The following CYP2A6 variants were observed in gnomAD, a reference collection of about 807,000 sequenced individuals.
The protein encoded by CYP2A6 is cytochrome P450 family 2 subfamily A member 6.
CYP2A6 carries 27 observed loss-of-function variants against 42.3 expected under a neutral mutation model. The observed-to-expected ratio is 0.64, with a 90% CI of 0.47 to 0.88. The LOEUF (loss-of-function observed/expected upper bound fraction) is 0.88, where lower values mean the gene tolerates loss of function less well. Among genes scored for constraint, CYP2A6 ranks in the 40% least tolerant of loss-of-function variants. The pLI is 0.00. For synonymous variants in CYP2A6, 238 were observed against 246.3 expected (o/e 0.97, Z 0.31); for missense variants, 628 against 646.0 (o/e 0.97, Z 0.30).
rs759791972 is a variant in CYP2A6, at chr19:40,848,580, T to C, written c.493+34A>G. 88 of 1,605,252 alleles carry C rather than the reference T, an allele frequency of 5.5e-5. 4 individuals are homozygous for C. The South Asian group carries it at 9.7e-4, about 18-fold the overall frequency. ...GGTTCCTCGTCCTGGGTGTTTTCCT[T>C]CTCCTGCCCCCGCACTCGGGGTCCC... On this transcript the variant is annotated intron_variant, in intron 3 of 8. Coordinates refer to ENST00000301141, the MANE Select transcript of CYP2A6 (RefSeq NM_000762.6).
intron 7 of CYP2A6, chr19:40,844,985 C>A: frequency 1.4e-6 from 1 of 695,672 alleles, no homozygotes; most frequent in Non-Finnish European, 2.3e-6. Context: ...TCCTTCTAGG[C>A]AGGAGTTTGG....
Position 40,846,903 on chromosome 19 carries a change from A to T in CYP2A6, c.803T>A (p.Ile268Asn), listed in dbSNP as rs763469584. ...CTGCATGCGGATGAGAAAGGAGTCA[A>T]TGAAGTCCCGTGGGGAATTGGGATC... ...TLDPNSPRDFIDSFLIRMQEE... is the reference protein window; with the variant it reads ...TLDPNSPRDFNDSFLIRMQEE... The change falls in exon 5 of 9, where the codon ATT (isoleucine) becomes AAT (asparagine). Residue 268 changes from isoleucine (I) to asparagine (N), a missense_variant. By Grantham distance (149) the Ile-to-Asn change is moderately radical. Coordinates refer to ENST00000301141, the MANE Select transcript of CYP2A6 (RefSeq NM_000762.6). The T allele has an allele frequency of 6.2e-7, 1 of 1,612,112 alleles. No individual in the cohort carries two copies. The highest frequency in any genetic ancestry group is 8.5e-7 in the Non-Finnish European group (1 of 1,179,944).
Position 40,844,027 on chromosome 19 carries a change from G to A in CYP2A6, c.1304-50C>T, listed in dbSNP as rs769104987. 32 of 1,546,960 alleles carry A rather than the reference G, an allele frequency of 2.1e-5. 1 individual carries two copies. The South Asian group carries it at 4.0e-4, about 19-fold the overall frequency. ...GGAGGTGAAGCCCACTCTCAGTGCA[G>A]CCTCGCCCCAGTACCGACCTCCAGC... On this transcript the variant is annotated intron_variant, in intron 8 of 8. Coordinates refer to ENST00000301141, the MANE Select transcript of CYP2A6 (RefSeq NM_000762.6).
Position 40,846,908 on chromosome 19 carries a change from G to C in CYP2A6, c.798C>G (p.Asp266Glu). Residue 266 changes from aspartate to glutamate, a missense_variant, in exon 5 of 9, where the codon GAC becomes GAG. Physicochemically the swap from Asp to Glu is conservative, Grantham distance 45 (BLOSUM62 2). Transcript: ENST00000301141. ...QRTLDPNSPR[D>E]FIDSFLIRMQ... ...TGCGGATGAGAAAGGAGTCAATGAA[G>C]TCCCGTGGGGAATTGGGATCCAGCG... 3.7e-6 allele frequency: 6 copies of C among 1,612,152 alleles called. No homozygotes were observed. Among genetic ancestry groups the C allele is most frequent in the Non-Finnish European group, 4.2e-6 (5 of 1,179,960 alleles).
In CYP2A6 at chr19:40,848,205, C is replaced by G. The variant is rs367728335; in HGVS notation, c.654+14G>C. The G allele has an allele frequency of 1.1e-5, 18 of 1,610,918 alleles. 2 individuals are homozygous for G. The highest frequency in any genetic ancestry group is 1.4e-5 in the Non-Finnish European group (16 of 1,179,440). ...TGTGGTAGGGGCGTCACGGGCCGGG[C>G]TGCAGCCAGTTACCTGCCCCGTGGA... On this transcript the variant is annotated intron_variant, in intron 4 of 8. Transcript: ENST00000301141.
chr19:40,845,129 G>T (rs754926806), intron 7 of CYP2A6, 165 bp downstream of exon 7: 10 of 803,008 alleles, frequency 1.2e-5, no homozygotes, highest in Non-Finnish European at 2.0e-5. Context: ...GGACTCAGGA[G>T]TGTCTAAGTG....
chr19:40,844,762 A>G lies in CYP2A6; in HGVS notation c.1172T>C (p.Val391Ala). ...CAGCACAGAGCCCAGCATAGGGTAC[A>G]CTTCGGTGCCCTGGTAGGGAGGAGG... ...RDFFLPKGTE[V>A]YPMLGSVLRD... Residue 391 changes from valine to alanine, a missense_variant, in exon 8 of 9, where the codon GTG (valine) becomes GCG (alanine). Physicochemically the swap from Val to Ala is moderately conservative, Grantham distance 64. Transcript: ENST00000301141. The G allele has an allele frequency of 3.7e-6, 6 of 1,610,968 alleles. No individual in the cohort carries two copies. The highest frequency in any genetic ancestry group is 5.1e-6 in the Non-Finnish European group (6 of 1,179,542).
Position 40,848,385 on chromosome 19 carries a change from G to T in CYP2A6, c.494-6C>A. ...GGTGGGATCGATATTGGCGCCTGCG[G>T]GTATGGCGGGAGAAGGGGGTTGGGG... On this transcript the variant is annotated splice_region_variant and splice_polypyrimidine_tract_variant and intron_variant, in intron 3 of 8. Coordinates refer to ENST00000301141, the MANE Select transcript of CYP2A6 (RefSeq NM_000762.6). 6.2e-7 allele frequency: 1 copy of T among 1,611,866 alleles called. No homozygotes were observed. The highest frequency in any genetic ancestry group is 8.5e-7 in the Non-Finnish European group (1 of 1,179,906).
intron 2 of CYP2A6, 150 bp from the exon 3 acceptor site, chr19:40,848,913 C>G (rs1967152738): frequency 1.4e-6 from 1 of 693,594 alleles, no homozygotes; most frequent in Non-Finnish European, 2.2e-6. Context: ...GAGCTGCAAA[C>G]TCAGTCAGAG....
chr19:40,849,025 AGAGAGAGAGAAGAGAGAGAG>A (rs1475499393), intron 2 of CYP2A6, among the ~76,000 whole-genome samples: 18 of 49,098 alleles, frequency 3.7e-4, no homozygotes, highest in Admixed American at 7.9e-4. Flanking sequence ...GAGAGAGGAG[AGAGAGAGAGAAGAGAGAGAG>A]GAGAGAGAGA....
rs58720852 is a variant in CYP2A6, at chr19:40,846,933, G to T, written c.773C>A (p.Thr258Lys). Reference protein sequence around the residue: ...IAKKVEHNQRTLDPNSPRDFI... With the variant: ...IAKKVEHNQRKLDPNSPRDFI... ...GTCCCGTGGGGAATTGGGATCCAGCGTGCGCTGGTTGTGCTCCACCTTCTT... is the reference window on the plus strand; with the variant it reads ...GTCCCGTGGGGAATTGGGATCCAGCTTGCGCTGGTTGTGCTCCACCTTCTT... The change falls in exon 5 of 9, where the codon ACG becomes AAG. Residue 258 changes from threonine to lysine, a missense_variant. Coordinates refer to ENST00000301141, the MANE Select transcript of CYP2A6 (RefSeq NM_000762.6). 1 of 1,612,082 alleles carries T rather than the reference G, an allele frequency of 6.2e-7. No homozygotes were observed. Among genetic ancestry groups the T allele is most frequent in the African/African-American group, 1.3e-5 (1 of 74,868 alleles).
Position 40,846,047 on chromosome 19 carries a change from G to T in CYP2A6, c.882C>A (p.Thr294=). The change falls in exon 6 of 9, where the codon ACC becomes ACA. Residue 294 remains threonine (T), a synonymous_variant. Transcript: ENST00000301141. The part of the protein sequence containing the change: ...TEFYLKNLVM[T]TLNLFIGGTE... ...TGCCCCCAATGAAGAGGTTCAACGT[G>T]GTCATCACCAGGTTTTTCAAGTAGA... 1 of 1,611,632 alleles carries T rather than the reference G, an allele frequency of 6.2e-7. No individual in the cohort carries two copies. Among genetic ancestry groups the T allele is most frequent in the Non-Finnish European group, 8.5e-7 (1 of 1,179,870 alleles).
At position 40,849,771 on chromosome 19, in the gene CYP2A6, C is replaced by A. The variant is rs72549436; in HGVS notation, c.343+47G>T. ...AGGGAGAAGGCTGGGAACACTGAGA[C>A]CTTCGTGTCCACCTGGCCACCTTCC... On this transcript the variant is annotated intron_variant, in intron 2 of 8. Coordinates refer to ENST00000301141, the MANE Select transcript of CYP2A6 (RefSeq NM_000762.6). The A allele has an allele frequency of 1.3e-3, 2,078 of 1,606,248 alleles. 64 individuals are homozygous for A. In the African/African-American group the frequency reaches 0.023, roughly 18 times the overall value.
At chr19:40,844,822 T>G (rs2083447569) in intron 7 of CYP2A6, 50 bp from the exon 8 acceptor site, 1 of 1,575,178 alleles carries the variant, frequency 6.3e-7, no homozygotes. Context: ...GGGGGATTGG[T>G]GAAAGTACAC....
At chr19:40,846,806 T>C (rs1967108422) in intron 5 of CYP2A6, 69 bp downstream of exon 5, 12 of 1,581,694 alleles carry the variant, frequency 7.6e-6, no homozygotes, top group African/African-American at 1.3e-5. Context: ...GTCATCTGCC[T>C]GCCCCACTCC....
chr19:40,848,993 AG>A (rs1384266722), intron 2 of CYP2A6, among the ~76,000 whole-genome samples: 4 of 114,634 alleles, frequency 3.5e-5, no homozygotes, highest in Admixed American at 9.3e-5. Flanking sequence ...GAGAGGAGAG[AG>A]AGAGAGAGAG....
chr19:40,845,365 C>G lies in CYP2A6; in HGVS notation c.1090G>C (p.Asp364His), dbSNP rs756155939. ...CGGGCCAAACTCATGGGGATCACGT[C>G]TCCAAATCTTTGGATCTCGTGGATC... The part of the protein sequence containing the change: ...AVIHEIQRFG[D>H]VIPMSLARRV... The change falls in exon 7 of 9, where the codon GAC (aspartate) becomes CAC (histidine). Residue 364 changes from aspartate to histidine, a missense_variant. Physicochemically the swap from Asp to His is moderately conservative, Grantham distance 81 (BLOSUM62 -1). This residue lies in a region of CYP2A6 where 606 missense variants were observed against 568.1 expected (regional missense o/e 1.07). Coordinates refer to ENST00000301141, the MANE Select transcript of CYP2A6 (RefSeq NM_000762.6). 10 of 1,611,564 alleles carry G rather than the reference C, an allele frequency of 6.2e-6. No individual in the cohort carries two copies. Among genetic ancestry groups the G allele is most frequent in the African/African-American group, 5.4e-5 (4 of 74,550 alleles).
At chr19:40,849,665 T>C (rs552926611) in intron 2 of CYP2A6, among the ~76,000 whole-genome samples, 153 bp downstream of exon 2, 2 of 151,116 alleles carry the variant, frequency 1.3e-5, no homozygotes, top group South Asian at 4.2e-4. Context: ...GGGATACACA[T>C]GGAGAGGCCA....
In CYP2A6 at chr19:40,848,622, C is replaced by T. The variant is rs756059220; in HGVS notation, c.485G>A (p.Gly162Asp). The T allele has an allele frequency of 1.2e-6, 2 of 1,611,490 alleles. No homozygotes were observed. Among genetic ancestry groups the T allele is most frequent in the Non-Finnish European group, 1.7e-6 (2 of 1,179,656 alleles). ...CGGGGTCCCCTGCTCACCGCCAGTGCCCCGGAGGGCGTCGATGAGGAAGCC... is the reference window on the plus strand; with the variant it reads ...CGGGGTCCCCTGCTCACCGCCAGTGTCCCGGAGGGCGTCGATGAGGAAGCC... ...EAGFLIDALR[G>D]TGGANIDPTF... Residue 162 changes from glycine to aspartate, a missense_variant, in exon 3 of 9, where the codon GGC becomes GAC. Around this residue, in one of 2 missense-constraint regions of CYP2A6, gnomAD observed 606 missense variants for 568.1 expected, o/e 1.07. Coordinates refer to ENST00000301141, the MANE Select transcript of CYP2A6 (RefSeq NM_000762.6).
Sources: gnomAD v4.1 joint callset for allele counts (sites outside exome capture counted in the v4.1 genomes callset) on GRCh38, gnomAD v4.1.1 for gene constraint, gnomAD v4.1.1 regional missense constraint, MANE v1.5 for transcripts, NCBI Gene and HGNC (gene_info 2026-07-23, HGNC 2026-07-21) for gene names.